Variants in DDX31 observed in about 807,000 individuals in gnomAD.
DDX31 encodes ATP-dependent DNA helicase DDX31.
Under a neutral mutation model 91.3 loss-of-function variants are expected in DDX31, and 70 were observed. That is an observed-to-expected ratio of 0.77 (90% CI 0.63 to 0.94). DDX31 has a LOEUF of 0.94. Among genes scored for constraint, DDX31 ranks in the 40% least tolerant of loss-of-function variants. The pLI is 0.00. For missense variants in DDX31, 902 were observed against 925.0 expected (o/e 0.98, Z 0.32); for synonymous variants, 362 against 350.6 (o/e 1.03, Z -0.36).
intron 14 of DDX31, among the ~76,000 whole-genome samples, chr9:132,632,453 A>G (rs1832852964): frequency 6.6e-6 from 1 of 152,176 alleles, no homozygotes; most frequent in Non-Finnish European, 1.5e-5. Flanking sequence ...GAACTTAAAC[A>G]GTAATTATCA....
Position 132,605,736 on chromosome 9 carries a change from G to A in DDX31, c.1994+6351C>T, listed in dbSNP as rs192722817. Among the ~76,000 whole-genome samples the A allele has an allele frequency of 7.2e-4, 109 of 152,326 alleles. No homozygotes were observed. The South Asian group carries it at 0.017, about 24-fold the overall frequency. On this transcript the variant is annotated intron_variant, in intron 19 of 19. Coordinates refer to ENST00000372159, the MANE Select transcript of DDX31 (RefSeq NM_022779.9). ...CAGGCCCAGGACATGTTCAGGCAAA[G>A]GCCCTGAGGAAAGGATAAGAAACAG... is the stretch of plus-strand genomic sequence containing the variant.
chr9:132,613,064 TAG>T (rs1309474062), intron 18 of DDX31, among the ~76,000 whole-genome samples: 3 of 152,140 alleles, frequency 2.0e-5, no homozygotes, highest in African/African-American at 7.2e-5. Flanking sequence ...TTTATTTTTG[TAG>T]AGACAGGGTT....
rs1258561781 is a variant in DDX31, at chr9:132,614,584, C to CGCT, written c.1826-2332_1826-2330dup. ...TTTAAAATCTCAGTTACCCAAATCC[C>CGCT]GCTCTAGGTCTCTTCATTTCCTACC... On this transcript the variant is annotated intron_variant, in intron 18 of 19. Transcript: ENST00000372159. Among the ~76,000 whole-genome samples, 7 of 152,286 alleles carry CGCT rather than the reference C, an allele frequency of 4.6e-5. No individual in the cohort carries two copies. In the South Asian group the frequency reaches 8.3e-4, roughly 18 times the overall value.
Position 132,618,383 on chromosome 9 carries a change from A to T in DDX31, c.1772T>A (p.Val591Glu), listed in dbSNP as rs1178123468. 6.2e-7 allele frequency: 1 copy of T among 1,612,344 alleles called. No individual in the cohort carries two copies. Among genetic ancestry groups the T allele is most frequent in the East Asian group, 2.2e-5 (1 of 44,834 alleles). The stretch of plus-strand genomic sequence containing the variant: ...ACTGGAGTGCACGTAATCTTCAAAT[A>T]CCGTCTGCAAGACTGTGGCTCGCTC... The part of the protein sequence containing the change: ...IRERATVLQT[V>E]FEDYVHSSER... Residue 591 changes from valine to glutamate, a missense_variant, in exon 18 of 20, where the codon GTA becomes GAA. Transcript: ENST00000372159.
intron 6 of DDX31, among the ~76,000 whole-genome samples, chr9:132,653,435 A>C (rs147515345): frequency 1.6e-5 from 2 of 129,010 alleles, no homozygotes; most frequent in African/African-American, 2.8e-5. Context: ...TGGAGGTTGC[A>C]GTGGGCTGAG....
intron 18 of DDX31, among the ~76,000 whole-genome samples, chr9:132,615,938 TTTG>T (rs1831600551): frequency 6.6e-6 from 1 of 152,246 alleles, no homozygotes; most frequent in African/African-American, 2.4e-5. Flanking sequence ...AGCCAGCTGC[TTTG>T]TTAATTATTC....
chr9:132,595,368 T>C lies in DDX31; in HGVS notation c.1995-256A>G, dbSNP rs1019693552. ...GAGGCTTTGTTCTGTGTTGTTTTCATGGGGAAAAAAAGAACTATACACCCT... is the reference window on the plus strand; with the variant it reads ...GAGGCTTTGTTCTGTGTTGTTTTCACGGGGAAAAAAAGAACTATACACCCT... On this transcript the variant is annotated intron_variant, in intron 19 of 19. Transcript: ENST00000372159. The surrounding 1 kb of genome is among the most constrained non-coding windows in gnomAD (Gnocchi z 4.6). Among the ~76,000 whole-genome samples, 1 of 152,098 alleles carries C rather than the reference T, an allele frequency of 6.6e-6. No homozygotes were observed. Among genetic ancestry groups the C allele is most frequent in the Non-Finnish European group, 1.5e-5 (1 of 67,998 alleles).
At chr9:132,598,729 TTTTA>T (rs1830573507) in intron 19 of DDX31, among the ~76,000 whole-genome samples, 1 of 152,254 alleles carries the variant, frequency 6.6e-6, no homozygotes, top group Non-Finnish European at 1.5e-5. Context: ...GAAGTTTAAA[TTTTA>T]TTTATGTACC....
chr9:132,603,043 C>T (rs1271440358), intron 19 of DDX31, among the ~76,000 whole-genome samples: 1 of 152,210 alleles, frequency 6.6e-6, no homozygotes, highest in Non-Finnish European at 1.5e-5. Context: ...GAGTTCTACA[C>T]TGGCCACTGC....
chr9:132,665,673 AG>A (rs1415365471), intron 1 of DDX31, among the ~76,000 whole-genome samples: 4 of 152,212 alleles, frequency 2.6e-5, no homozygotes, highest in Non-Finnish European at 4.4e-5. Flanking sequence ...CTGTAAAATG[AG>A]GGGATTTTGG....
chr9:132,643,149 T>G (rs1461887630), intron 13 of DDX31, among the ~76,000 whole-genome samples: 1 of 152,226 alleles, frequency 6.6e-6, no homozygotes, highest in Non-Finnish European at 1.5e-5. Flanking sequence ...CAATCAATGC[T>G]GTGATAAACA....
chr9:132,662,185 C>T (rs1001309739), intron 3 of DDX31, 76 bp downstream of exon 3: 22 of 1,394,886 alleles, frequency 1.6e-5, no homozygotes, highest in East Asian at 2.4e-5. Flanking sequence ...CCTCCTAGAG[C>T]GGCCATTTCA....
rs1195060178 is a variant in DDX31 at position 132,646,888 on chromosome 9, C to G, written c.1138G>C (p.Val380Leu). The G allele has an allele frequency of 6.8e-6, 11 of 1,614,184 alleles. No individual in the cohort carries two copies. Among genetic ancestry groups the G allele is most frequent in the Non-Finnish European group, 9.3e-6 (11 of 1,180,024 alleles). Residue 380 changes from valine (V) to leucine (L), a missense_variant, in exon 12 of 20, where the codon GTG becomes CTG. Transcript: ENST00000372159. ...FAIPESLKQH[V>L]TVVPSKLRLV... The stretch of plus-strand genomic sequence containing the variant: ...CTCAGTTTGCTGGGAACCACAGTCA[C>G]ATGCTGCTTGAGACTCTCTGGTATT...
intron 1 of DDX31, chr9:132,663,200 AGGAAGC>A: frequency 7.8e-7 from 1 of 1,289,422 alleles, no homozygotes; most frequent in Non-Finnish European, 1.0e-6. Flanking sequence ...GCCCGTGCCC[AGGAAGC>A]GGAAACATTC....
At chr9:132,618,542 C>A in intron 17 of DDX31, 101 bp from the exon 18 acceptor site, 1 of 895,520 alleles carries the variant, frequency 1.1e-6, no homozygotes, top group South Asian at 1.9e-5. Context: ...ACACAGTAAC[C>A]ACCTAGGGCC....
intron 13 of DDX31, among the ~76,000 whole-genome samples, chr9:132,643,922 G>GA (rs533855919): frequency 2.6e-3 from 367 of 141,936 alleles, no homozygotes; most frequent in Admixed American, 3.6e-3. Flanking sequence ...TTTGGGGTAA[G>GA]AAAAAAAAAA....
At chr9:132,663,239 T>G in intron 1 of DDX31, 1 of 1,289,236 alleles carries the variant, frequency 7.8e-7, no homozygotes, top group Non-Finnish European at 1.0e-6. Context: ...CCCTAGCGCC[T>G]GGATCTCTCT....
At chr9:132,630,816 G>T (rs191514375) in intron 15 of DDX31, among the ~76,000 whole-genome samples, 1 of 152,352 alleles carries the variant, frequency 6.6e-6, no homozygotes, top group Non-Finnish European at 1.5e-5. Context: ...AGGCCACAGG[G>T]TGAGGTGTCC....
At chr9:132,652,947 G>A (rs555820664) in intron 6 of DDX31, among the ~76,000 whole-genome samples, 7 of 151,980 alleles carry the variant, frequency 4.6e-5, no homozygotes, top group East Asian at 1.9e-4. Context: ...TCCCAGTCTC[G>A]GGTATGTTTT....
Sources: allele counts gnomAD v4.1 joint callset (sites outside exome capture counted in the v4.1 genomes callset), GRCh38; gene constraint gnomAD v4.1.1; non-coding constraint Gnocchi (gnomAD v3.1); transcripts MANE v1.5; gene names NCBI Gene and HGNC (gene_info 2026-07-23, HGNC 2026-07-21).